R3HDM2: variants seen among roughly 807,000 people sequenced by gnomAD.
R3HDM2 encodes the protein R3H domain-containing protein 2.
Under a neutral mutation model 124.5 loss-of-function variants are expected in R3HDM2, and 38 were observed. The observed-to-expected ratio is 0.31, with a 90% CI of 0.24 to 0.40. The LOEUF is 0.40. Ranked by LOEUF, R3HDM2 falls within the 10% of genes least tolerant of loss-of-function variation. R3HDM2 has a pLI of 1.00. For missense variants in R3HDM2, 869 were observed against 1,236.9 expected (o/e 0.70, Z 4.46); for synonymous variants, 391 against 448.0 (o/e 0.87, Z 1.61).
rs1466039041 is a variant in R3HDM2 at position 57,256,339 on chromosome 12, G to A, written c.2547+75C>T. On this transcript the variant is annotated intron_variant, in intron 22 of 23. Coordinates refer to ENST00000402412, the MANE Select transcript of R3HDM2 (RefSeq NM_001394031.1). ...GTTATTTCCCTTGTATACCCAGCTGGTTGAAGCTCAGACACAGGCACCCAA... is the reference window on the plus strand; with the variant it reads ...GTTATTTCCCTTGTATACCCAGCTGATTGAAGCTCAGACACAGGCACCCAA... 2.2e-5 allele frequency: 28 copies of A among 1,269,574 alleles called. No homozygotes were observed. The East Asian group carries it at 6.1e-4, about 27-fold the overall frequency. 78.6% of individuals were successfully genotyped at this position (1,269,574 alleles called of 1,614,324 possible).
intron 1 of R3HDM2, among the ~76,000 whole-genome samples, chr12:57,426,343 T>C (rs1204414727): frequency 1.3e-5 from 2 of 152,186 alleles, no homozygotes; most frequent in African/African-American, 4.8e-5. Context: ...TTGCTAAAAA[T>C]GCCCCCCAAA....
At chr12:57,287,322 G>C (rs941268322) in intron 12 of R3HDM2, among the ~76,000 whole-genome samples, 6 of 152,144 alleles carry the variant, frequency 3.9e-5, no homozygotes, top group African/African-American at 1.4e-4. Context: ...AGTTATCCTG[G>C]GATGATCTAT....
chr12:57,341,049 T>G (rs1364443420), intron 2 of R3HDM2, among the ~76,000 whole-genome samples: 1 of 152,204 alleles, frequency 6.6e-6, no homozygotes, highest in Non-Finnish European at 1.5e-5. Context: ...CTACCTATTT[T>G]TTAGGTCTGA....
chr12:57,309,201 C>T (rs2053397898), intron 3 of R3HDM2, among the ~76,000 whole-genome samples: 1 of 152,176 alleles, frequency 6.6e-6, no homozygotes. Context: ...TTTCCAGACC[C>T]TCTAAAATGT....
intron 2 of R3HDM2, among the ~76,000 whole-genome samples, chr12:57,391,631 T>A (rs1329529162): frequency 6.6e-6 from 1 of 152,240 alleles, no homozygotes; most frequent in Admixed American, 6.5e-5. Context: ...ATTTTACCAA[T>A]GGCTACTTCC....
chr12:57,272,987 T>C (rs998125992), intron 14 of R3HDM2, among the ~76,000 whole-genome samples: 1 of 152,148 alleles, frequency 6.6e-6, no homozygotes, highest in Non-Finnish European at 1.5e-5. Context: ...GAGAAGAGAT[T>C]CCTGTCTGCA....
At chr12:57,343,074 G>A (rs1419211410) in intron 2 of R3HDM2, among the ~76,000 whole-genome samples, 2 of 151,908 alleles carry the variant, frequency 1.3e-5, no homozygotes, top group African/African-American at 4.8e-5. Context: ...ATGACAATAA[G>A]TAGATTAAAA....
At chr12:57,337,027 A>C (rs1239009218) in intron 2 of R3HDM2, among the ~76,000 whole-genome samples, 1 of 152,244 alleles carries the variant, frequency 6.6e-6, no homozygotes, top group African/African-American at 2.4e-5. Context: ...CAAGGGACCC[A>C]CACAGCAGAC....
At chr12:57,408,548 T>C (rs1464930986) in intron 1 of R3HDM2, among the ~76,000 whole-genome samples, 1 of 152,054 alleles carries the variant, frequency 6.6e-6, no homozygotes, top group Non-Finnish European at 1.5e-5. Flanking sequence ...CTGGGCAACA[T>C]GGTTAAACCC....
At chr12:57,374,988 T>C (rs549835121) in intron 2 of R3HDM2, among the ~76,000 whole-genome samples, 1 of 148,456 alleles carries the variant, frequency 6.7e-6, no homozygotes, top group East Asian at 2.0e-4. Flanking sequence ...AGAGCAAGAC[T>C]CCATCTCAAA....
intron 2 of R3HDM2, among the ~76,000 whole-genome samples, chr12:57,379,166 G>A (rs2064492436): frequency 6.6e-6 from 1 of 152,164 alleles, no homozygotes; most frequent in South Asian, 2.1e-4. Context: ...ATGGCTGCAT[G>A]ACATCATAAA....
chr12:57,280,259 T>C, intron 14 of R3HDM2, 99 bp downstream of exon 14: 2 of 1,271,540 alleles, frequency 1.6e-6, no homozygotes, highest in South Asian at 1.8e-5. Context: ...CTCCAAAAAC[T>C]GATCCTTCCT....
Position 57,266,799 on chromosome 12 carries a change from G to C in R3HDM2, c.2063C>G (p.Ser688Cys), listed in dbSNP as rs770274239. The C allele has an allele frequency of 7.5e-6, 12 of 1,610,086 alleles. No individual in the cohort carries two copies. Among genetic ancestry groups the C allele is most frequent in the African/African-American group, 1.3e-5 (1 of 74,818 alleles). The change falls in exon 19 of 24, where the codon TCT becomes TGT. Residue 688 changes from serine to cysteine, a missense_variant. Ser to Cys is a moderately radical substitution (Grantham distance 112, BLOSUM62 -1). Around this residue, in one of 2 missense-constraint regions of R3HDM2, gnomAD observed 602 missense variants for 789.2 expected, o/e 0.76. Coordinates refer to ENST00000402412, the MANE Select transcript of R3HDM2 (RefSeq NM_001394031.1). ...PSVGFLQPPG[S>C]EQYQMPQSPS... ...AGACTGAGGCATCTGGTACTGCTCA[G>C]AGCCAGGGGGTTGCAGAAACCCTAC...
At chr12:57,389,705 G>A (rs2066379097) in intron 2 of R3HDM2, among the ~76,000 whole-genome samples, 1 of 152,176 alleles carries the variant, frequency 6.6e-6, no homozygotes, top group Admixed American at 6.6e-5. Context: ...TGTAGAAGTT[G>A]TGATTTTATA....
chr12:57,283,740 A>G, intron 13 of R3HDM2, 84 bp downstream of exon 13: 1 of 1,412,510 alleles, frequency 7.1e-7, no homozygotes, highest in Non-Finnish European at 9.9e-7. Context: ...TCTGTCTCAA[A>G]AAAAAAAGTA....
intron 20 of R3HDM2, 138 bp from the exon 21 acceptor site, chr12:57,258,275 A>G: frequency 3.6e-6 from 2 of 553,192 alleles, no homozygotes; most frequent in Non-Finnish European, 5.4e-6. Flanking sequence ...CTCTTCCTTC[A>G]AACTGCAACC....
intron 2 of R3HDM2, among the ~76,000 whole-genome samples, chr12:57,322,962 C>G (rs1159904056): frequency 3.3e-5 from 5 of 152,114 alleles, no homozygotes; most frequent in African/African-American, 1.2e-4. Context: ...TCCCCTCAAC[C>G]TGGGTCCATC....
chr12:57,283,476 C>CT (rs1475660157), intron 13 of R3HDM2, among the ~76,000 whole-genome samples: 1 of 152,156 alleles, frequency 6.6e-6, no homozygotes, highest in Non-Finnish European at 1.5e-5. Context: ...TGGTGACTCA[C>CT]GCCTGTAATC....
intron 1 of R3HDM2, among the ~76,000 whole-genome samples, chr12:57,424,478 C>T (rs1258008950): frequency 1.3e-5 from 2 of 151,922 alleles, no homozygotes; most frequent in Non-Finnish European, 2.9e-5. Flanking sequence ...TTCAAATGTA[C>T]CTACCATTAA....
Sources: gnomAD v4.1 joint callset for allele counts (sites outside exome capture counted in the v4.1 genomes callset) on GRCh38, gnomAD v4.1.1 for gene constraint, gnomAD v4.1.1 regional missense constraint, MANE v1.5 for transcripts, NCBI Gene and HGNC (gene_info 2026-07-23, HGNC 2026-07-21) for gene names.